DPP8: variants seen among roughly 807,000 people sequenced by gnomAD.
DPP8 encodes dipeptidyl peptidase 8.
A neutral mutation model predicts 107.5 loss-of-function variants in DPP8; 31 were observed. That is an observed-to-expected ratio of 0.29 (90% CI 0.22 to 0.39). The LOEUF (loss-of-function observed/expected upper bound fraction) is 0.39. DPP8 is among the 10% of genes least tolerant of loss of function. The pLI is 1.00. For missense variants in DPP8, 842 were observed against 1,076.1 expected, an observed-to-expected ratio of 0.78 and a Z score of 3.04; for synonymous variants, 381 against 356.6, an observed-to-expected ratio of 1.07 and a Z score of -0.77.
intron 5 of DPP8, among the ~76,000 whole-genome samples, chr15:65,493,975 T>A (rs2068302784): frequency 6.9e-6 from 1 of 144,624 alleles, no homozygotes; most frequent in South Asian, 2.1e-4. Context: ...TCAGGCACTA[T>A]CCTGAATACT....
chr15:65,466,552 A>G, intron 14 of DPP8, 126 bp downstream of exon 14: 1 of 815,490 alleles, frequency 1.2e-6, no homozygotes. Context: ...GGAGCTCAGC[A>G]GCTCAGGGAC....
chr15:65,456,515 T>C (rs2064433837), intron 15 of DPP8, 144 bp from the exon 16 acceptor site: 1 of 872,370 alleles, frequency 1.1e-6, no homozygotes. Flanking sequence ...CTTTTTAAAT[T>C]AACAAGTCTG....
intron 1 of DPP8, among the ~76,000 whole-genome samples, chr15:65,515,429 T>C (rs1247162514): frequency 1.3e-5 from 2 of 152,206 alleles, no homozygotes; most frequent in Admixed American, 6.5e-5. Context: ...CAAATGTCCA[T>C]CCTGCATTTC....
Position 65,480,403 on chromosome 15 carries a change from T to G in DPP8, c.1119-4A>C, listed in dbSNP as rs750608388. On this transcript the variant is annotated splice_region_variant and splice_polypyrimidine_tract_variant and intron_variant, in intron 9 of 19. Transcript: ENST00000300141. ...ATCTAGTAGGATGGACCAAGCACTA[T>G]TTAAATAAATAAAAGAGAAGAACCA... 1.9e-6 allele frequency: 3 copies of G among 1,588,334 alleles called. No homozygotes were observed. In the East Asian group the frequency reaches 6.7e-5, roughly 36 times the overall value.
chr15:65,476,210 T>C (rs1227392878), intron 11 of DPP8, among the ~76,000 whole-genome samples: 1 of 152,186 alleles, frequency 6.6e-6, no homozygotes, highest in Non-Finnish European at 1.5e-5. Context: ...GCTGTATTAG[T>C]GTCTTTCCTA....
chr15:65,508,621 G>C (rs568814946), intron 2 of DPP8, among the ~76,000 whole-genome samples: 1 of 152,320 alleles, frequency 6.6e-6, no homozygotes, highest in African/African-American at 2.4e-5. Context: ...GGGAGGCTGA[G>C]GTGGGCGGAT....
Position 65,500,704 on chromosome 15 carries a change from T to C in DPP8, c.448A>G (p.Ile150Val). 2 of 1,613,892 alleles carry C rather than the reference T, an allele frequency of 1.2e-6. No homozygotes were observed. The highest frequency in any genetic ancestry group is 1.7e-6 in the Non-Finnish European group (2 of 1,179,802). Residue 150 changes from isoleucine to valine, a missense_variant, in exon 4 of 20, where the codon ATT becomes GTT. This residue lies in a region of DPP8 where 663 missense variants were observed against 758.0 expected (regional missense o/e 0.87). Coordinates refer to ENST00000300141, the MANE Select transcript of DPP8 (RefSeq NM_130434.5). ...CCTTGGTGATAATCGTAAGAAGCAA[T>C]TCCGACTGTTCCAATGCGTTTTCTT... The part of the protein sequence containing the change: ...RERKRIGTVG[I>V]ASYDYHQGSG...
At chr15:65,475,479 G>A (rs1345931945) in intron 11 of DPP8, 2 of 1,531,486 alleles carry the variant, frequency 1.3e-6, no homozygotes, top group Admixed American at 3.4e-5. Flanking sequence ...TGGGGTCCCT[G>A]TCTCACTCCC....
At chr15:65,495,728 G>T (rs540207520) in intron 5 of DPP8, among the ~76,000 whole-genome samples, 1 of 151,630 alleles carries the variant, frequency 6.6e-6, no homozygotes, top group Non-Finnish European at 1.5e-5. Flanking sequence ...GTGAAACCCC[G>T]TCTCTACTAA....
intron 19 of DPP8, 73 bp from the exon 20 acceptor site, chr15:65,447,079 CAG>C (rs952676725): frequency 7.8e-5 from 97 of 1,244,470 alleles, no homozygotes; most frequent in Non-Finnish European, 1.0e-4. Context: ...CAAAGCTTTC[CAG>C]AGATTTTTAA....
rs921265806 is a variant in DPP8 at position 65,443,672 on chromosome 15, TCTC to T, written c.*3209_*3211del. ...GGGGATAGAAACAAAGTAAACAACA[TCTC>T]CTGCTGCTTTCAGAGTGAGACGGGG... On this transcript the variant is annotated 3_prime_UTR_variant, in exon 20 of 20. Coordinates refer to ENST00000300141, the MANE Select transcript of DPP8 (RefSeq NM_130434.5). The T allele has an allele frequency of 4.6e-5, 7 of 152,076 alleles. No individual in the cohort carries two copies. The highest frequency in any genetic ancestry group is 1.7e-4 in the African/African-American group (7 of 41,400). The allele number at this position is 152,076 out of a possible 1,614,324, so 9.4% of individuals were successfully genotyped here. A position where few individuals can be genotyped will look rare whatever the true frequency, so the allele number is the denominator to read the frequency against.
At chr15:65,475,875 A>G (rs2066340200) in intron 11 of DPP8, among the ~76,000 whole-genome samples, 1 of 152,068 alleles carries the variant, frequency 6.6e-6, no homozygotes, top group Non-Finnish European at 1.5e-5. Flanking sequence ...CAGCCTCCCA[A>G]GTAGCTGGGA....
intron 3 of DPP8, among the ~76,000 whole-genome samples, chr15:65,503,160 T>C (rs2069455996): frequency 2.0e-5 from 3 of 152,214 alleles, no homozygotes; most frequent in Admixed American, 1.3e-4. Context: ...CAGGCTGTAG[T>C]GCAATGGCGC....
intron 19 of DPP8, among the ~76,000 whole-genome samples, chr15:65,449,561 C>A (rs2063815776): frequency 6.6e-6 from 1 of 151,934 alleles, no homozygotes; most frequent in Non-Finnish European, 1.5e-5. Flanking sequence ...AGGCATGCAC[C>A]ACCACACCTA....
At chr15:65,515,811 A>C in intron 1 of DPP8, 1 of 943,938 alleles carries the variant, frequency 1.1e-6, no homozygotes. Flanking sequence ...AGGATAATGA[A>C]ATAAGATAAG....
At chr15:65,496,618 A>T (rs1200668204) in intron 5 of DPP8, among the ~76,000 whole-genome samples, 11 of 152,130 alleles carry the variant, frequency 7.2e-5, no homozygotes, top group Non-Finnish European at 1.6e-4. Flanking sequence ...TTTTTCTATT[A>T]TGACAATAAC....
chr15:65,448,865 AATATATATATATATATATATATATATAT>A (rs58549410), intron 19 of DPP8, among the ~76,000 whole-genome samples: 695 of 53,286 alleles, frequency 0.013, 41 homozygotes, highest in African/African-American at 0.039. Context: ...ATATATCTAA[AATATATATATATATATATATATATATAT>A]ATATATATAT....
At chr15:65,514,978 G>C (rs1452666296) in intron 1 of DPP8, among the ~76,000 whole-genome samples, 2 of 152,148 alleles carry the variant, frequency 1.3e-5, no homozygotes, top group African/African-American at 2.4e-5. Context: ...TCAACAGAAA[G>C]ACCTCCTCCC....
intron 5 of DPP8, among the ~76,000 whole-genome samples, chr15:65,497,150 A>G (rs574402166): frequency 1.3e-4 from 20 of 152,272 alleles, no homozygotes; most frequent in Middle Eastern, 3.4e-3. Flanking sequence ...TTGGCCTCCC[A>G]AAGTGCTTGG....
Sources: gnomAD v4.1 joint callset for allele counts (sites outside exome capture counted in the v4.1 genomes callset) on GRCh38, gnomAD v4.1.1 for gene constraint, gnomAD v4.1.1 regional missense constraint, MANE v1.5 for transcripts, NCBI Gene and HGNC (gene_info 2026-07-23, HGNC 2026-07-21) for gene names.